Variants in DOK6 observed in about 807,000 individuals in gnomAD.
The protein encoded by DOK6 is docking protein 6.
A neutral mutation model predicts 44.0 loss-of-function variants in DOK6; 22 were observed. The ratio of observed to expected loss-of-function variants is 0.50; its 90% CI spans 0.36 to 0.71. The LOEUF is 0.71. DOK6 is among the 30% of genes least tolerant of loss of function. DOK6 has a pLI of 0.00. For missense variants in DOK6, 340 were observed against 416.4 expected (o/e 0.82, Z 1.60); for synonymous variants, 166 against 145.5 (o/e 1.14, Z -1.01).
chr18:69,813,044 C>T (rs1228576759), intron 7 of DOK6, among the ~76,000 whole-genome samples: 1 of 152,106 alleles, frequency 6.6e-6, no homozygotes, highest in Admixed American at 6.6e-5. Context: ...GCATCAAGCA[C>T]GTTTCACCTG....
At chr18:69,694,474 TTTATAA>T (rs1373491523) in intron 4 of DOK6, among the ~76,000 whole-genome samples, 3 of 113,088 alleles carry the variant, frequency 2.7e-5, no homozygotes, top group Non-Finnish European at 5.9e-5. Flanking sequence ...TAATTATATA[TTTATAA>T]TATTTAATAA....
rs572530052 is a variant in DOK6, at chr18:69,746,410, G to A, written c.738+7307G>A. 1.1e-4 allele frequency among the ~76,000 whole-genome samples: 17 copies of A among 152,108 alleles called. No individual in the cohort carries two copies. The East Asian group carries it at 1.2e-3, about 10-fold the overall frequency. ...GTAGCTAGAATTACAGGCACATGCCGTCACGCCTGGCTAATTTTTTGTATT... is the reference window on the plus strand; with the variant it reads ...GTAGCTAGAATTACAGGCACATGCCATCACGCCTGGCTAATTTTTTGTATT... On this transcript the variant is annotated intron_variant, in intron 6 of 7. Transcript: ENST00000382713.
At chr18:69,790,895 A>G (rs535591334) in intron 7 of DOK6, among the ~76,000 whole-genome samples, 5 of 152,044 alleles carry the variant, frequency 3.3e-5, no homozygotes, top group Middle Eastern at 3.4e-3. Flanking sequence ...CCATCTAACT[A>G]TATTTCTGTA....
intron 7 of DOK6, among the ~76,000 whole-genome samples, chr18:69,763,713 T>A (rs1040040710): frequency 7.9e-5 from 12 of 152,324 alleles, no homozygotes; most frequent in African/African-American, 2.6e-4. Flanking sequence ...ACCTTGACTT[T>A]TAATCACCAT....
chr18:69,761,857 G>A (rs1228767528), intron 7 of DOK6, among the ~76,000 whole-genome samples: 1 of 152,134 alleles, frequency 6.6e-6, no homozygotes, highest in Non-Finnish European at 1.5e-5. Context: ...AGATATCCGA[G>A]TTACGCAAGT....
intron 3 of DOK6, among the ~76,000 whole-genome samples, chr18:69,640,597 T>C (rs1984916874): frequency 6.6e-6 from 1 of 152,086 alleles, no homozygotes; most frequent in Admixed American, 6.5e-5. Context: ...CATCTAACCC[T>C]GGGGGCACAG....
chr18:69,656,690 G>A (rs1179719847), intron 3 of DOK6, among the ~76,000 whole-genome samples: 2 of 152,096 alleles, frequency 1.3e-5, no homozygotes, highest in African/African-American at 2.4e-5. Flanking sequence ...TGTAATGTTG[G>A]ACACTGATAT....
intron 1 of DOK6, among the ~76,000 whole-genome samples, chr18:69,448,811 A>G (rs774444492): frequency 1.3e-5 from 2 of 152,248 alleles, no homozygotes; most frequent in Non-Finnish European, 2.9e-5. Context: ...CATATTTACT[A>G]TTTATTCTAC....
intron 7 of DOK6, among the ~76,000 whole-genome samples, chr18:69,769,286 T>A (rs1979817636): frequency 6.6e-6 from 1 of 152,074 alleles, no homozygotes; most frequent in African/African-American, 2.4e-5. Flanking sequence ...TGCACTTAGT[T>A]TTTTATTCAT....
At chr18:69,806,146 G>A (rs1243751732) in intron 7 of DOK6, among the ~76,000 whole-genome samples, 2 of 151,592 alleles carry the variant, frequency 1.3e-5, no homozygotes, top group Non-Finnish European at 3.0e-5. Context: ...TTCTAGCCTT[G>A]TATAGCCCCA....
At chr18:69,761,027 T>C (rs1416608278) in intron 7 of DOK6, among the ~76,000 whole-genome samples, 186 of 50,802 alleles carry the variant, frequency 3.7e-3, no homozygotes, top group Non-Finnish European at 4.0e-3. Context: ...TCCCGGGGGC[T>C]GGCTGTGACC....
chr18:69,608,544 A>G (rs1253454035), intron 3 of DOK6, among the ~76,000 whole-genome samples: 1 of 152,128 alleles, frequency 6.6e-6, no homozygotes, highest in Non-Finnish European at 1.5e-5. Context: ...AAAAAAAGTC[A>G]TTGAAATTTT....
chr18:69,635,760 A>G (rs1165871549), intron 3 of DOK6, among the ~76,000 whole-genome samples: 5 of 152,230 alleles, frequency 3.3e-5, no homozygotes, highest in Admixed American at 6.5e-5. Context: ...CCCTACCCAG[A>G]CAGAGGACTC....
At chr18:69,419,767 G>A (rs1978434901) in intron 1 of DOK6, among the ~76,000 whole-genome samples, 1 of 152,150 alleles carries the variant, frequency 6.6e-6, no homozygotes, top group South Asian at 2.1e-4. Flanking sequence ...ACAATGATAT[G>A]TGAGACCCTT....
intron 1 of DOK6, among the ~76,000 whole-genome samples, chr18:69,523,275 A>G (rs1476165751): frequency 1.3e-5 from 2 of 152,110 alleles, no homozygotes; most frequent in Non-Finnish European, 2.9e-5. Context: ...ATTTTCATCT[A>G]AAAGAATGAT....
At chr18:69,827,688 T>C (rs1409860334) in intron 7 of DOK6, among the ~76,000 whole-genome samples, 2 of 152,136 alleles carry the variant, frequency 1.3e-5, no homozygotes, top group African/African-American at 2.4e-5. Flanking sequence ...GAATGCCAGA[T>C]AGTAAATTTT....
chr18:69,775,175 A>G (rs940459500), intron 7 of DOK6, among the ~76,000 whole-genome samples: 6 of 152,042 alleles, frequency 3.9e-5, no homozygotes, highest in Non-Finnish European at 7.4e-5. Flanking sequence ...CAACTGAAAT[A>G]TGCAAGAATA....
intron 3 of DOK6, among the ~76,000 whole-genome samples, chr18:69,648,276 T>C (rs2144660503): frequency 6.6e-6 from 1 of 152,324 alleles, no homozygotes; most frequent in Non-Finnish European, 1.5e-5. Context: ...CAGAATATTA[T>C]TGGTAAGTTG....
chr18:69,751,073 A>G (rs996136821), intron 6 of DOK6, among the ~76,000 whole-genome samples: 1 of 152,248 alleles, frequency 6.6e-6, no homozygotes, highest in Non-Finnish European at 1.5e-5. Context: ...ATAAAAGTAG[A>G]AAGTAGAAAT....
Sources: gnomAD v4.1 joint callset for allele counts (sites outside exome capture counted in the v4.1 genomes callset) on GRCh38, gnomAD v4.1.1 for gene constraint, MANE v1.5 for transcripts, NCBI Gene and HGNC (gene_info 2026-07-23, HGNC 2026-07-21) for gene names.